Variants in MEI4 observed in about 807,000 individuals in gnomAD.
MEI4 encodes the protein meiotic double-stranded break formation protein 4.
A neutral mutation model predicts 31.4 loss-of-function variants in MEI4; 27 were observed. That is an observed-to-expected ratio of 0.86 (90% CI 0.63 to 1.19). MEI4 has a LOEUF of 1.19. Ranked by LOEUF, MEI4 falls within the 50% of genes most tolerant of loss-of-function variation. The pLI is 0.00. For missense variants in MEI4, 329 were observed against 398.9 expected (o/e 0.82, Z 1.49); for synonymous variants, 122 against 145.4 (o/e 0.84, Z 1.16).
chr6:77,754,510 G>C (rs1253147635), intron 2 of MEI4, among the ~76,000 whole-genome samples: 1 of 152,128 alleles, frequency 6.6e-6, no homozygotes, highest in African/African-American at 2.4e-5. Context: ...ACATCTTCCT[G>C]TCTTCTTGTG....
chr6:77,767,553 C>T (rs1170992324), intron 3 of MEI4, among the ~76,000 whole-genome samples: 2 of 151,792 alleles, frequency 1.3e-5, no homozygotes, highest in African/African-American at 4.8e-5. Context: ...AAATATTAGC[C>T]AGGCATGGTC....
At chr6:77,731,697 C>G in intron 2 of MEI4, among the ~76,000 whole-genome samples, 1 of 151,134 alleles carries the variant, frequency 6.6e-6, no homozygotes, top group Non-Finnish European at 1.5e-5. Context: ...ACATGAAGTC[C>G]TTGCCCATGC....
intron 4 of MEI4, among the ~76,000 whole-genome samples, chr6:77,859,742 T>G (rs944868398): frequency 6.6e-6 from 1 of 152,284 alleles, no homozygotes; most frequent in South Asian, 2.1e-4. Flanking sequence ...GGAAAAAGAA[T>G]CTCTTGATGT....
At chr6:77,904,458 T>C (rs941776038) in intron 4 of MEI4, among the ~76,000 whole-genome samples, 2 of 152,036 alleles carry the variant, frequency 1.3e-5, no homozygotes, top group African/African-American at 4.8e-5. Context: ...CTCACTCTAC[T>C]CCCACCCCCC....
chr6:77,808,639 G>A (rs576719261), intron 3 of MEI4, among the ~76,000 whole-genome samples: 1 of 152,306 alleles, frequency 6.6e-6, no homozygotes, highest in Non-Finnish European at 1.5e-5. Flanking sequence ...GGTTGTTTCA[G>A]AGAGAGTTTC....
chr6:77,832,546 T>G (rs1770110110), intron 4 of MEI4, among the ~76,000 whole-genome samples: 1 of 152,112 alleles, frequency 6.6e-6, no homozygotes, highest in South Asian at 2.1e-4. Context: ...TTTGCATATA[T>G]TTTTGTTTGA....
At chr6:77,862,418 G>A (rs1485214958) in intron 4 of MEI4, among the ~76,000 whole-genome samples, 1 of 152,262 alleles carries the variant, frequency 6.6e-6, no homozygotes, top group Non-Finnish European at 1.5e-5. Context: ...CGGCACAACA[G>A]GAGATTATAT....
chr6:77,650,735 G>T (rs141449183), upstream of MEI4, among the ~76,000 whole-genome samples: 2 of 152,332 alleles, frequency 1.3e-5, no homozygotes, highest in African/African-American at 4.8e-5. Flanking sequence ...CACACGTTTG[G>T]ACGTTTCTGT....
At chr6:77,739,238 C>T (rs1767334363) in intron 2 of MEI4, among the ~76,000 whole-genome samples, 1 of 151,970 alleles carries the variant, frequency 6.6e-6, no homozygotes, top group South Asian at 2.1e-4. Context: ...GTCTTTAACC[C>T]ATCTTGAGTT....
intron 4 of MEI4, among the ~76,000 whole-genome samples, chr6:77,911,342 C>A (rs1766430482): frequency 6.6e-6 from 1 of 151,844 alleles, no homozygotes; most frequent in African/African-American, 2.4e-5. Flanking sequence ...GGTACATATG[C>A]AAGTTTATTA....
intron 4 of MEI4, among the ~76,000 whole-genome samples, chr6:77,921,347 G>C (rs1390859323): frequency 6.6e-6 from 1 of 151,734 alleles, no homozygotes; most frequent in Non-Finnish European, 1.5e-5. Flanking sequence ...ACTTTGCTCA[G>C]CCTTCATAAA....
chr6:77,669,158 G>C (rs1033681160), intron 1 of MEI4, among the ~76,000 whole-genome samples: 3 of 151,926 alleles, frequency 2.0e-5, no homozygotes, highest in Non-Finnish European at 4.4e-5. Context: ...TATTTATTAA[G>C]ATTTAAATAA....
At chr6:77,719,321 GA>G (rs1766661059) in intron 2 of MEI4, among the ~76,000 whole-genome samples, 1 of 137,014 alleles carries the variant, frequency 7.3e-6, no homozygotes, top group Non-Finnish European at 1.6e-5. Context: ...TCTTTGATAA[GA>G]AAAGTCTTGT....
In MEI4 at chr6:77,757,876, G is replaced by C. The variant is rs563324695; in HGVS notation, c.233-3254G>C. On this transcript the variant is annotated intron_variant, in intron 2 of 4. Coordinates refer to ENST00000684080, the MANE Select transcript of MEI4 (RefSeq NM_001322247.2). ...ATCTGGCTGTGTTAATATAGAAATA[G>C]GACAGGCGTGGTGGCTCATGCCTGT... is the stretch of plus-strand genomic sequence containing the variant. 5.3e-5 allele frequency among the ~76,000 whole-genome samples: 8 copies of C among 152,248 alleles called. No individual in the cohort carries two copies. In the East Asian group the frequency reaches 7.7e-4, roughly 15 times the overall value.
chr6:77,814,377 G>T (rs1270899755), intron 3 of MEI4, among the ~76,000 whole-genome samples: 2 of 149,686 alleles, frequency 1.3e-5, no homozygotes, highest in African/African-American at 4.9e-5. Context: ...CTTGCAAAAG[G>T]AAGAATTGTT....
chr6:77,703,786 T>C (rs78541620), intron 2 of MEI4, among the ~76,000 whole-genome samples: 129 of 152,296 alleles, frequency 8.5e-4, no homozygotes, highest in Non-Finnish European at 1.5e-3. Context: ...TCAATCCCAT[T>C]ATCAAATTGA....
At chr6:77,841,543 T>C (rs1213909479) in intron 4 of MEI4, among the ~76,000 whole-genome samples, 1 of 151,366 alleles carries the variant, frequency 6.6e-6, no homozygotes, top group Non-Finnish European at 1.5e-5. Context: ...AGTTTCACCA[T>C]GTTGGCCAGG....
intron 3 of MEI4, among the ~76,000 whole-genome samples, chr6:77,817,651 A>G (rs1769719672): frequency 2.6e-5 from 4 of 152,026 alleles, no homozygotes; most frequent in Admixed American, 2.6e-4. Context: ...CTATATATTA[A>G]AAATTATAAT....
intron 2 of MEI4, among the ~76,000 whole-genome samples, chr6:77,715,807 GTTA>G (rs1176065444): frequency 2.0e-5 from 3 of 152,024 alleles, no homozygotes; most frequent in Non-Finnish European, 2.9e-5. Context: ...CACGTGATGA[GTTA>G]TTATGTCATG....
Sources: allele counts gnomAD v4.1 joint callset (sites outside exome capture counted in the v4.1 genomes callset), GRCh38; gene constraint gnomAD v4.1.1; transcripts MANE v1.5; gene names NCBI Gene and HGNC (gene_info 2026-07-23, HGNC 2026-07-21).